LRRC74B: variants seen among roughly 807,000 people sequenced by gnomAD.
LRRC74B encodes the protein leucine-rich repeat-containing protein 74B.
LRRC74B carries 30 observed loss-of-function variants against 16.6 expected under a neutral mutation model. The ratio of observed to expected loss-of-function variants is 1.80; its 90% confidence interval spans 1.35 to 2.45. The LOEUF is 2.45. LRRC74B is among the 30% of genes most tolerant of loss of function. LRRC74B has a pLI of 0.00. For missense variants in LRRC74B, 326 were observed against 202.4 expected (o/e 1.61, Z -3.71); for synonymous variants, 134 against 86.0 (o/e 1.56, Z -3.09).
rs1260673596 is a variant in LRRC74B, at chr22:21,047,396, C to A, written c.180C>A (p.Tyr60Ter). 1 of 717,506 alleles carries A rather than the reference C, an allele frequency of 1.4e-6. No individual in the cohort carries two copies. Among genetic ancestry groups the A allele is most frequent in the South Asian group, 1.5e-5 (1 of 67,608 alleles). 44.4% of individuals were successfully genotyped at this position (717,506 alleles called of 1,614,324 possible). Reference sequence around the variant, plus strand: ...GAGAACTGGTCAGGGACACACTGTACCTGAGGTCTTGCCGGGCCCATAGTG... The same window carrying A: ...GAGAACTGGTCAGGGACACACTGTAACTGAGGTCTTGCCGGGCCCATAGTG... The change falls in exon 2 of 9, where the codon TAC (tyrosine) becomes TAA (stop). Residue 60 changes from tyrosine (Y) to a stop codon, truncating the protein, a stop_gained. Coordinates refer to ENST00000442047, the Ensembl canonical transcript of LRRC74B. LOFTEE classifies it high-confidence loss of function.
intron 3 of LRRC74B, 108 bp from the exon 4 acceptor site, chr22:21,048,843 C>T: frequency 1.5e-6 from 1 of 649,332 alleles, no homozygotes; most frequent in Non-Finnish European, 2.9e-6. Flanking sequence ...GACAGTTAAC[C>T]TGTAAGTCCC....
chr22:21,047,813 G>A (rs1344803253), intron 2 of LRRC74B, 71 bp from the exon 3 acceptor site: 6 of 697,042 alleles, frequency 8.6e-6, no homozygotes, highest in African/African-American at 1.8e-5. Flanking sequence ...CCAGCTGGAG[G>A]ATGTGGAGTG....
At chr22:21,061,838 G>A (rs1320226498), downstream of LRRC74B, 1 of 152,018 alleles carries the variant, frequency 6.6e-6, no homozygotes, top group East Asian at 1.9e-4. Flanking sequence ...GTGGATAAAT[G>A]CAATGTGGTA....
rs114493417 is a variant in LRRC74B, at chr22:21,052,441, C to A, written c.732+83C>A. 1.4e-4 allele frequency: 99 copies of A among 699,736 alleles called. No individual in the cohort carries two copies. The African/African-American group carries it at 1.6e-3, about 11-fold the overall frequency. 43.3% of individuals were successfully genotyped at this position (699,736 alleles called of 1,614,324 possible). On this transcript the variant is annotated intron_variant, in intron 5 of 8. Coordinates refer to ENST00000442047, the Ensembl canonical transcript of LRRC74B. ...GGGCCACCTCCCTGTCTCTGCAGCTCCTCGGAAATGAACCTTGGATCTTTT... is the reference window on the plus strand; with the variant it reads ...GGGCCACCTCCCTGTCTCTGCAGCTACTCGGAAATGAACCTTGGATCTTTT...
At chr22:21,057,192 G>A in exon 8 of LRRC74B, 4 of 717,292 alleles carry the variant, frequency 5.6e-6, no homozygotes, top group Non-Finnish European at 1.0e-5. Context: ...GGAACTGCTG[G>A]ATTTCTCAGT....
At chr22:21,060,558 C>T (rs1279790310), downstream of LRRC74B, 1 of 691,992 alleles carries the variant, frequency 1.4e-6, no homozygotes, top group East Asian at 2.7e-5. Context: ...CATCTCCAAT[C>T]AGCTGCTTTG....
In LRRC74B at chr22:21,053,349, T is replaced by C. The variant is rs1366741683; in HGVS notation, c.733-11T>C. On this transcript the variant is annotated splice_polypyrimidine_tract_variant and intron_variant, in intron 5 of 8. Coordinates refer to ENST00000442047, the Ensembl canonical transcript of LRRC74B. ...GATGGGGTCCCATGACTTCACTCTT[T>C]GGTATTCTAGGCAAACATCTTCCTT... 1 of 716,168 alleles carries C rather than the reference T, an allele frequency of 1.4e-6. No individual in the cohort carries two copies. Among genetic ancestry groups the C allele is most frequent in the Non-Finnish European group, 2.6e-6 (1 of 384,480 alleles). 44.4% of individuals were successfully genotyped at this position (716,168 alleles called of 1,614,324 possible). A position where few individuals can be genotyped will look rare whatever the true frequency, so the allele number is the denominator to read the frequency against.
rs530518405 is a variant in LRRC74B at position 21,046,025 on chromosome 22, G to A, written c.39G>A (p.Glu13=). 154 of 717,526 alleles carry A rather than the reference G, an allele frequency of 2.1e-4. No individual in the cohort carries two copies. The African/African-American group carries it at 2.4e-3, about 11-fold the overall frequency. 44.4% of individuals were successfully genotyped at this position (717,526 alleles called of 1,614,324 possible). Residue 13 remains glutamate, a synonymous_variant, in exon 1 of 9, where the codon GAG becomes GAA. Transcript: ENST00000442047. ...GTGAGAGGTCTGGGGAGGATGAAGA[G>A]CAGAAAGAAGAGGCTATGGTGGCCT...
chr22:21,056,595 A>C (rs1369452660), intron 7 of LRRC74B: 2 of 104,598 alleles, frequency 1.9e-5, no homozygotes, highest in Non-Finnish European at 3.7e-5. Context: ...CCAAGCTTGG[A>C]GCACACACAC....
chr22:21,062,222 T>C (rs2148169021), downstream of LRRC74B: 1 of 152,360 alleles, frequency 6.6e-6, no homozygotes, highest in South Asian at 2.1e-4. Flanking sequence ...TATTGGAGGT[T>C]GACGGCTAAA....
At chr22:21,052,179 T>C in intron 4 of LRRC74B, 70 bp from the exon 5 acceptor site, 1 of 706,848 alleles carries the variant, frequency 1.4e-6, no homozygotes, top group South Asian at 1.5e-5. Flanking sequence ...CGGCACGCAG[T>C]GGGCATCAGT....
At chr22:21,054,919 G>A (rs115225890) in intron 6 of LRRC74B, among the ~76,000 whole-genome samples, 179 bp from the exon 7 acceptor site, 2,724 of 152,238 alleles carry the variant, frequency 0.018, 71 homozygotes, top group African/African-American at 0.062. Flanking sequence ...TCCTCTGAAC[G>A]GTGTCATCTC....
downstream of LRRC74B, among the ~76,000 whole-genome samples, chr22:21,061,381 A>G (rs9625443): frequency 3.1e-3 from 472 of 152,384 alleles, 3 homozygotes; most frequent in African/African-American, 0.011. Flanking sequence ...AGTGTCCCCA[A>G]TAACGGGATT....
chr22:21,052,256 A>C, exon 5 of LRRC74B: 1 of 717,564 alleles, frequency 1.4e-6, no homozygotes, highest in Non-Finnish European at 2.6e-6. Context: ...AAGGGGAGAC[A>C]CTTGGACCAG....
rs574013863 is a variant in LRRC74B, at chr22:21,057,111, A to G, written c.934A>G (p.Arg312Gly). 27 of 717,452 alleles carry G rather than the reference A, an allele frequency of 3.8e-5. No individual in the cohort carries two copies. The East Asian group carries it at 4.0e-4, about 11-fold the overall frequency. 44.4% of individuals were successfully genotyped at this position (717,452 alleles called of 1,614,324 possible). A position where few individuals can be genotyped will look rare whatever the true frequency, so the allele number is the denominator to read the frequency against. ...TTGTGTGCGTGTTTCTCAGGTGTCC[A>G]GGAATCCCATGCGAAGTGAAGGCTG... The change falls in exon 8 of 9, where the codon AGG becomes GGG. Residue 312 changes from arginine to glycine, a missense_variant. Coordinates refer to ENST00000442047, the Ensembl canonical transcript of LRRC74B.
At chr22:21,046,055 G>C in exon 1 of LRRC74B, 2 of 717,500 alleles carry the variant, frequency 2.8e-6, no homozygotes, top group Non-Finnish European at 2.6e-6. Context: ...TGGCCTGTGG[G>C]CGTCTTTCAG....
exon 6 of LRRC74B, chr22:21,053,375 A>G (rs1601816435): frequency 2.8e-6 from 2 of 716,690 alleles, no homozygotes; most frequent in East Asian, 2.7e-5. Flanking sequence ...CATCTTCCTT[A>G]AAGTTCTAGA....
chr22:21,046,188 G>T lies in LRRC74B; in HGVS notation c.139+63G>T, dbSNP rs976319863. 5 of 706,034 alleles carry T rather than the reference G, an allele frequency of 7.1e-6. No individual in the cohort carries two copies. In the African/African-American group the frequency reaches 8.8e-5, roughly 12 times the overall value. 43.7% of individuals were successfully genotyped at this position (706,034 alleles called of 1,614,324 possible). A position where few individuals can be genotyped will look rare whatever the true frequency, so the allele number is the denominator to read the frequency against. On this transcript the variant is annotated intron_variant, in intron 1 of 8. Coordinates refer to ENST00000442047, the Ensembl canonical transcript of LRRC74B. ...TGGGGGTCTTCTCCCGCAGGGGTTG[G>T]GGGAGGCGGGCTGGGGCTAAGGCCA...
intron 4 of LRRC74B, among the ~76,000 whole-genome samples, chr22:21,050,736 C>A (rs1168703781): frequency 3.4e-5 from 5 of 148,082 alleles, no homozygotes. Context: ...CGAGATAGCA[C>A]CACTGCAGTC....
Sources: gnomAD v4.1 joint callset for allele counts (sites outside exome capture counted in the v4.1 genomes callset) on GRCh38, gnomAD v4.1.1 for gene constraint, MANE v1.5 for transcripts, NCBI Gene and HGNC (gene_info 2026-07-23, HGNC 2026-07-21) for gene names.